The following EFHC1 variants were observed in gnomAD, a reference collection of about 807,000 sequenced individuals.
EFHC1 encodes EF-hand domain-containing protein 1.
Under a neutral mutation model 69.9 loss-of-function variants are expected in EFHC1, and 53 were observed. The ratio of observed to expected loss-of-function variants is 0.76; its 90% confidence interval spans 0.61 to 0.95. The LOEUF is 0.95. Ranked by LOEUF, EFHC1 falls within the 40% of genes least tolerant of loss-of-function variation. The pLI is 0.00. For missense variants in EFHC1, 739 were observed against 798.7 expected (o/e 0.93, Z 0.90); for synonymous variants, 256 against 278.4 (o/e 0.92, Z 0.80).
chr6:52,443,661 AC>A (rs1276653207), intron 3 of EFHC1, among the ~76,000 whole-genome samples: 4 of 152,202 alleles, frequency 2.6e-5, no homozygotes, highest in African/African-American at 9.6e-5. Context: ...CTGTTTTGGT[AC>A]CAGTACCATG....
intron 3 of EFHC1, among the ~76,000 whole-genome samples, chr6:52,451,382 T>G (rs998169151): frequency 1.3e-5 from 2 of 152,248 alleles, no homozygotes; most frequent in African/African-American, 2.4e-5. Context: ...TTATTTCTCC[T>G]TTGCTAAGAA....
chr6:52,420,821 C>A (rs1764173791), intron 1 of EFHC1, among the ~76,000 whole-genome samples: 1 of 151,980 alleles, frequency 6.6e-6, no homozygotes, highest in Non-Finnish European at 1.5e-5. Context: ...TCACTGTTTC[C>A]CCCACCCTAC....
At chr6:52,453,738 C>T (rs1322726334) in intron 4 of EFHC1, 3 of 1,241,122 alleles carry the variant, frequency 2.4e-6, no homozygotes, top group Middle Eastern at 3.5e-4. Context: ...ATATATAAAC[C>T]ATATTCACAT....
At chr6:52,430,274 C>T (rs1396873624) in intron 2 of EFHC1, 2 of 152,198 alleles carry the variant, frequency 1.3e-5, no homozygotes, top group African/African-American at 4.8e-5. Flanking sequence ...GAGTGGGCAT[C>T]CTTATGTTGT....
At chr6:52,450,371 C>T (rs1370843763) in intron 3 of EFHC1, among the ~76,000 whole-genome samples, 5 of 152,134 alleles carry the variant, frequency 3.3e-5, no homozygotes, top group South Asian at 4.1e-4. Flanking sequence ...TAATTTTCTG[C>T]CTCAATGATC....
At chr6:52,428,494 T>C (rs964340206) in intron 2 of EFHC1, among the ~76,000 whole-genome samples, 5 of 152,234 alleles carry the variant, frequency 3.3e-5, no homozygotes, top group African/African-American at 9.6e-5. Context: ...TCCAGTCTCA[T>C]CCAAGTCACT....
intron 7 of EFHC1, among the ~76,000 whole-genome samples, chr6:52,470,233 T>C (rs1016619194): frequency 1.3e-5 from 2 of 152,142 alleles, no homozygotes; most frequent in Non-Finnish European, 2.9e-5. Flanking sequence ...TAGAAAACGA[T>C]TGCACAAAGC....
chr6:52,460,470 G>A (rs946377412), intron 5 of EFHC1, among the ~76,000 whole-genome samples: 1 of 152,140 alleles, frequency 6.6e-6, no homozygotes, highest in African/African-American at 2.4e-5. Flanking sequence ...AAATACATAT[G>A]TCAAGCAACA....
intron 1 of EFHC1, among the ~76,000 whole-genome samples, chr6:52,422,356 C>T (rs967660382): frequency 6.6e-6 from 1 of 152,138 alleles, no homozygotes; most frequent in African/African-American, 2.4e-5. Context: ...GATGTCAACT[C>T]AGCGCATTTT....
At chr6:52,461,892 A>T (rs1240053889) in intron 5 of EFHC1, among the ~76,000 whole-genome samples, 1 of 152,170 alleles carries the variant, frequency 6.6e-6, no homozygotes, top group Non-Finnish European at 1.5e-5. Context: ...TTACTAGGAA[A>T]ATATAATAAT....
chr6:52,451,232 C>A (rs552735032), intron 3 of EFHC1, among the ~76,000 whole-genome samples: 1 of 152,170 alleles, frequency 6.6e-6, no homozygotes, highest in African/African-American at 2.4e-5. Context: ...TTTATAGTGT[C>A]ACTGGTCTGT....
At chr6:52,465,874 T>A (rs1297423687) in intron 6 of EFHC1, among the ~76,000 whole-genome samples, 1 of 148,344 alleles carries the variant, frequency 6.7e-6, no homozygotes, top group East Asian at 1.9e-4. Flanking sequence ...ATATATATTA[T>A]AAATCATATT....
chr6:52,481,037 A>T (rs1356470631), intron 9 of EFHC1, among the ~76,000 whole-genome samples: 1 of 152,160 alleles, frequency 6.6e-6, no homozygotes, highest in African/African-American at 2.4e-5. Flanking sequence ...TTGAAAGTAG[A>T]TTAGGAGAGA....
chr6:52,456,769 C>T (rs754604760), intron 5 of EFHC1, among the ~76,000 whole-genome samples: 1 of 151,942 alleles, frequency 6.6e-6, no homozygotes, highest in Non-Finnish European at 1.5e-5. Flanking sequence ...ACAAAAATTA[C>T]CTGGGCATGG....
In EFHC1 at chr6:52,465,088, C is replaced by T. The variant is rs757987501; in HGVS notation, c.1110C>T (p.Ser370=). 3.1e-6 allele frequency: 5 copies of T among 1,613,736 alleles called. No individual in the cohort carries two copies. The Admixed American group carries it at 8.3e-5, about 27-fold the overall frequency. The stretch of plus-strand genomic sequence containing the variant: ...CTGATTTACCACGTATTGATGTGAG[C>T]AAGCGGGAACCACCTCCAGTAAAAC... ...GITDLPRIDV[S]KREPPPVKQE... Residue 370 remains serine (S), a synonymous_variant, in exon 6 of 11, where the codon AGC becomes AGT. Transcript: ENST00000371068.
At chr6:52,476,215 TAAAAC>T (rs1468562157) in intron 7 of EFHC1, among the ~76,000 whole-genome samples, 1 of 152,186 alleles carries the variant, frequency 6.6e-6, no homozygotes, top group Non-Finnish European at 1.5e-5. Flanking sequence ...AATTTAAAAA[TAAAAC>T]CAACTAAAAG....
chr6:52,450,428 A>G (rs1764889040), intron 3 of EFHC1, among the ~76,000 whole-genome samples: 1 of 152,166 alleles, frequency 6.6e-6, no homozygotes, highest in Non-Finnish European at 1.5e-5. Context: ...CTGCTGTTGT[A>G]TGGGAGTCCA....
rs1396904557 is a variant in EFHC1 at position 52,496,187 on chromosome 6, G to C, written c.*3846G>C. 3 of 159,630 alleles carry C rather than the reference G, an allele frequency of 1.9e-5. No homozygotes were observed. The highest frequency in any genetic ancestry group is 4.1e-5 in the Non-Finnish European group (3 of 72,418). 9.9% of individuals were successfully genotyped at this position (159,630 alleles called of 1,614,324 possible). On this transcript the variant is annotated 3_prime_UTR_variant, in exon 11 of 11. Transcript: ENST00000371068. Reference sequence around the variant, plus strand: ...CAAACTGGCCACCAGGGAGTTGAAAGATTCTAATACACACACACACCCACA... The same window carrying C: ...CAAACTGGCCACCAGGGAGTTGAAACATTCTAATACACACACACACCCACA...
rs1443311131 is a variant in EFHC1, at chr6:52,496,396, G to GTA, written c.*4056_*4057dup. On this transcript the variant is annotated 3_prime_UTR_variant, in exon 11 of 11. Transcript: ENST00000371068. ...AGCCACTACTCAGAAACCTGGGCCT[G>GTA]TACCTTGTCTGCACCATCAGGGGGC... The GTA allele has an allele frequency of 6.6e-6, 1 of 152,240 alleles. No individual in the cohort carries two copies. The highest frequency in any genetic ancestry group is 1.9e-4 in the East Asian group (1 of 5,198). The allele number at this position is 152,240 out of a possible 1,614,324, so 9.4% of individuals were successfully genotyped here.
Sources: gnomAD v4.1 joint callset for allele counts (sites outside exome capture counted in the v4.1 genomes callset) on GRCh38, gnomAD v4.1.1 for gene constraint, MANE v1.5 for transcripts, NCBI Gene and HGNC (gene_info 2026-07-23, HGNC 2026-07-21) for gene names.